ABLIM2: variants seen among roughly 807,000 people sequenced by gnomAD.
ABLIM2 encodes actin-binding LIM protein 2.
Under a neutral mutation model 97.7 loss-of-function variants are expected in ABLIM2, and 53 were observed. The observed-to-expected ratio is 0.54, with a 90% CI of 0.44 to 0.68. The LOEUF (loss-of-function observed/expected upper bound fraction) is 0.68. Ranked by LOEUF, ABLIM2 falls within the 30% of genes least tolerant of loss-of-function variation. ABLIM2 has a pLI of 0.00. For missense variants in ABLIM2, 835 were observed against 867.2 expected (o/e 0.96, Z 0.47); for synonymous variants, 361 against 345.8 (o/e 1.04, Z -0.49).
rs931420855 is a variant in ABLIM2, at chr4:8,069,247, C to T, written c.676-8193G>A. The stretch of plus-strand genomic sequence containing the variant: ...GCAGTGGCACTGGCAGACGAGCCGT[C>T]CAGTGGGGACGTTCTGAACAAGGCA... On this transcript the variant is annotated intron_variant, in intron 6 of 20. Transcript: ENST00000447017. The surrounding 1 kb of genome is among the most constrained non-coding windows in gnomAD (Gnocchi z 4.2). Among the ~76,000 whole-genome samples, 1 of 152,274 alleles carries T rather than the reference C, an allele frequency of 6.6e-6. No individual in the cohort carries two copies. The highest frequency in any genetic ancestry group is 1.5e-5 in the Non-Finnish European group (1 of 68,048).
At chr4:8,145,780 ACACACACAC>A (rs1851702342) in intron 1 of ABLIM2, among the ~76,000 whole-genome samples, 3 of 148,062 alleles carry the variant, frequency 2.0e-5, no homozygotes, top group Non-Finnish European at 3.0e-5. Context: ...ACACACACAC[ACACACACAC>A]GAGATCCCTG....
chr4:8,114,701 G>A (rs1842052831), intron 1 of ABLIM2, among the ~76,000 whole-genome samples: 1 of 152,186 alleles, frequency 6.6e-6, no homozygotes, highest in African/African-American at 2.4e-5. Context: ...GTCCAGACAG[G>A]GCGGCCCTCT....
rs917651614 is a variant in ABLIM2 at position 8,029,805 on chromosome 4, C to T, written c.1048-29G>A. ...GGAGGGAAGATGCAGCTTGTGAACA[C>T]TGGAGCCGGGAGCACTTCCCACCCC... On this transcript the variant is annotated intron_variant, in intron 10 of 20. Coordinates refer to ENST00000447017, the MANE Select transcript of ABLIM2 (RefSeq NM_001130083.2). 2.6e-6 allele frequency: 4 copies of T among 1,559,042 alleles called. No homozygotes were observed. In the Middle Eastern group the frequency reaches 5.0e-4, roughly 195 times the overall value.
Position 8,000,861 on chromosome 4 carries a change from A to G in ABLIM2, c.1618+7198T>C, listed in dbSNP as rs563516677. On this transcript the variant is annotated intron_variant, in intron 16 of 20. Coordinates refer to ENST00000447017, the MANE Select transcript of ABLIM2 (RefSeq NM_001130083.2). Reference sequence around the variant, plus strand: ...GACAGATCTGTGATCCAGGGCCCTGAGCCTGTTCTCTGCGGGTCTGTCCTC... The same window carrying G: ...GACAGATCTGTGATCCAGGGCCCTGGGCCTGTTCTCTGCGGGTCTGTCCTC... 4.6e-5 allele frequency among the ~76,000 whole-genome samples: 7 copies of G among 152,236 alleles called. No homozygotes were observed. In the East Asian group the frequency reaches 1.2e-3, roughly 25 times the overall value.
intron 4 of ABLIM2, among the ~76,000 whole-genome samples, chr4:8,086,913 C>A (rs572470691): frequency 6.6e-6 from 1 of 151,812 alleles, no homozygotes; most frequent in East Asian, 1.9e-4. Context: ...CCGGAAGCAG[C>A]GCCCTCCCGA....
intron 1 of ABLIM2, among the ~76,000 whole-genome samples, chr4:8,137,465 G>A (rs747212561): frequency 1.3e-5 from 2 of 152,220 alleles, no homozygotes; most frequent in Non-Finnish European, 2.9e-5. Context: ...TTGGGTGAAG[G>A]GGCAGGGGAG....
chr4:8,077,600 G>T (rs544701964), intron 6 of ABLIM2, 28 bp downstream of exon 6: 9 of 1,578,080 alleles, frequency 5.7e-6, no homozygotes, highest in Non-Finnish European at 7.8e-6. Flanking sequence ...AGCTCAGAGC[G>T]GGCAGGGGCC....
chr4:7,978,633 C>A (rs1735563399), intron 20 of ABLIM2, among the ~76,000 whole-genome samples: 1 of 152,132 alleles, frequency 6.6e-6, no homozygotes, highest in African/African-American at 2.4e-5. Context: ...GGGGACACGC[C>A]CTTTGAGGAA....
intron 1 of ABLIM2, among the ~76,000 whole-genome samples, chr4:8,119,828 G>A (rs1844470242): frequency 6.6e-6 from 1 of 152,214 alleles, no homozygotes; most frequent in Admixed American, 6.5e-5. Flanking sequence ...TTGCGAGGCT[G>A]AAACTCCACT....
intron 20 of ABLIM2, among the ~76,000 whole-genome samples, chr4:7,975,051 T>C (rs900169907): frequency 6.6e-6 from 1 of 152,130 alleles, no homozygotes; most frequent in Non-Finnish European, 1.5e-5. Context: ...AGACCCTGTC[T>C]CTACAAAAAG....
In ABLIM2 at chr4:8,004,414, C is replaced by T. The variant is rs1374013640; in HGVS notation, c.1618+3645G>A. Among the ~76,000 whole-genome samples, 1 of 152,212 alleles carries T rather than the reference C, an allele frequency of 6.6e-6. No homozygotes were observed. Among genetic ancestry groups the T allele is most frequent in the Admixed American group, 6.5e-5 (1 of 15,284 alleles). Reference sequence around the variant, plus strand: ...ACCACCCTTGGCTCCCACTATCCCACCTCTCACACATGCCTCATGTGCTGG... The same window carrying T: ...ACCACCCTTGGCTCCCACTATCCCATCTCTCACACATGCCTCATGTGCTGG... On this transcript the variant is annotated intron_variant, in intron 16 of 20. Coordinates refer to ENST00000447017, the MANE Select transcript of ABLIM2 (RefSeq NM_001130083.2). This position sits in a 1 kb window ranked among gnomAD's most constrained non-coding sequence, Gnocchi z 5.9.
At chr4:8,145,745 TACAC>T (rs34195989) in intron 1 of ABLIM2, among the ~76,000 whole-genome samples, 14,721 of 138,294 alleles carry the variant, frequency 0.11, 794 homozygotes, top group East Asian at 0.24. Flanking sequence ...TACACACTCA[TACAC>T]ACACACACAC....
intron 7 of ABLIM2, among the ~76,000 whole-genome samples, chr4:8,056,233 T>C (rs1318492089): frequency 1.3e-5 from 2 of 151,380 alleles, no homozygotes; most frequent in African/African-American, 4.8e-5. Context: ...TTTTGTTGGC[T>C]GCCTTATAGT....
chr4:8,006,036 C>T (rs1206486249), intron 16 of ABLIM2, among the ~76,000 whole-genome samples: 1 of 149,772 alleles, frequency 6.7e-6, no homozygotes, highest in Non-Finnish European at 1.5e-5. Context: ...GCACACATGC[C>T]CTTGCCGCTG....
rs1444782569 is a variant in ABLIM2, at chr4:8,085,792, C to T, written c.454+2377G>A. Among the ~76,000 whole-genome samples, 5 of 152,234 alleles carry T rather than the reference C, an allele frequency of 3.3e-5. No homozygotes were observed. Among genetic ancestry groups the T allele is most frequent in the Non-Finnish European group, 7.3e-5 (5 of 68,034 alleles). Reference sequence around the variant, plus strand: ...TGTACTCATCTGTAGCATCCTCCCCCTTCCAGACCCACCTGCTGGAATTCA... The same window carrying T: ...TGTACTCATCTGTAGCATCCTCCCCTTTCCAGACCCACCTGCTGGAATTCA... On this transcript the variant is annotated intron_variant, in intron 4 of 20. Coordinates refer to ENST00000447017, the MANE Select transcript of ABLIM2 (RefSeq NM_001130083.2). The surrounding 1 kb of genome is among the most constrained non-coding windows in gnomAD (Gnocchi z 6.1).
At chr4:8,057,122 A>G (rs1799801481) in intron 7 of ABLIM2, among the ~76,000 whole-genome samples, 1 of 145,042 alleles carries the variant, frequency 6.9e-6, no homozygotes, top group Admixed American at 7.0e-5. Flanking sequence ...TTTTTAAGAC[A>G]AAGTCTCACT....
At chr4:8,031,135 A>C (rs1188516489) in intron 10 of ABLIM2, among the ~76,000 whole-genome samples, 1 of 152,176 alleles carries the variant, frequency 6.6e-6, no homozygotes, top group African/African-American at 2.4e-5. Context: ...GCAGGGAAGG[A>C]AGGAAGCAGG....
chr4:8,149,009 A>C lies in ABLIM2; in HGVS notation c.10+9671T>G, dbSNP rs908353904. Among the ~76,000 whole-genome samples the C allele has an allele frequency of 3.9e-5, 6 of 152,184 alleles. No individual in the cohort carries two copies. The highest frequency in any genetic ancestry group is 1.2e-4 in the African/African-American group (5 of 41,440). ...CACTACGGAGAGTCAGGCCACGCTG[A>C]GATCTGGGGTCCCCAGATACCAGGG... On this transcript the variant is annotated intron_variant, in intron 1 of 20. Coordinates refer to ENST00000447017, the MANE Select transcript of ABLIM2 (RefSeq NM_001130083.2). The surrounding 1 kb of genome is among the most constrained non-coding windows in gnomAD (Gnocchi z 6.4).
At chr4:7,974,594 A>C (rs60428109) in intron 20 of ABLIM2, among the ~76,000 whole-genome samples, 150,898 of 150,928 alleles carry the variant, frequency 1, 75,434 homozygotes, top group Middle Eastern at 1. Context: ...CATCCATCCA[A>C]TCCTACCATC....
Sources: gnomAD v4.1 joint callset for allele counts (sites outside exome capture counted in the v4.1 genomes callset) on GRCh38, gnomAD v4.1.1 for gene constraint, Gnocchi (gnomAD v3.1) non-coding constraint, MANE v1.5 for transcripts, NCBI Gene and HGNC (gene_info 2026-07-23, HGNC 2026-07-21) for gene names.